PCNX4: variants seen among roughly 807,000 people sequenced by gnomAD.
PCNX4 encodes the protein pecanex-like protein 4.
In PCNX4, 103 loss-of-function variants were observed where a neutral mutation model predicts 107.2. The observed-to-expected ratio is 0.96, with a 90% CI of 0.82 to 1.13. PCNX4 has a LOEUF of 1.13. Among genes scored for constraint, PCNX4 ranks in the 50% most tolerant of loss-of-function variants. The pLI, the probability that PCNX4 is intolerant of heterozygous loss-of-function variation, is 0.00. For missense variants in PCNX4, 1,528 were observed against 1,379.4 expected, an observed-to-expected ratio of 1.11 and a Z score of -1.71; for synonymous variants, 541 against 481.7, an observed-to-expected ratio of 1.12 and a Z score of -1.61.
chr14:60,117,283 A>G (rs1895867641), intron 6 of PCNX4, among the ~76,000 whole-genome samples: 1 of 152,122 alleles, frequency 6.6e-6, no homozygotes, highest in South Asian at 2.1e-4. Flanking sequence ...CAGGTATACC[A>G]TTTTTTATCT....
At chr14:60,132,819 G>T (rs530603836) in intron 10 of PCNX4, among the ~76,000 whole-genome samples, 1 of 152,286 alleles carries the variant, frequency 6.6e-6, no homozygotes, top group East Asian at 1.9e-4. Context: ...TAAAGAGGAT[G>T]TACAAGTTGC....
At chr14:60,114,374 T>G (rs921891689) in intron 2 of PCNX4, among the ~76,000 whole-genome samples, 1 of 152,230 alleles carries the variant, frequency 6.6e-6, no homozygotes, top group African/African-American at 2.4e-5. Flanking sequence ...AGTTGTTCAG[T>G]TTTACAAATT....
intron 6 of PCNX4, 151 bp from the exon 7 acceptor site, chr14:60,118,178 G>A: frequency 8.2e-7 from 1 of 1,225,558 alleles, no homozygotes; most frequent in Non-Finnish European, 1.1e-6. Context: ...TGAGGTTGGA[G>A]AAAATTAACA....
chr14:60,125,497 A>G (rs1896037645), intron 9 of PCNX4, 140 bp from the exon 10 acceptor site: 1 of 766,258 alleles, frequency 1.3e-6, no homozygotes, highest in East Asian at 3.1e-5. Context: ...CCTTAACTGC[A>G]TCATTTCTTC....
intron 1 of PCNX4, among the ~76,000 whole-genome samples, chr14:60,095,910 T>G (rs573796111): frequency 6.6e-6 from 1 of 152,230 alleles, no homozygotes; most frequent in South Asian, 2.1e-4. Flanking sequence ...GGAAGCTGGG[T>G]CAGGCTATAT....
At chr14:60,127,857 A>C (rs1387873904) in intron 10 of PCNX4, among the ~76,000 whole-genome samples, 1 of 152,246 alleles carries the variant, frequency 6.6e-6, no homozygotes, top group Non-Finnish European at 1.5e-5. Context: ...ATAGAACCAA[A>C]GGAAATCATG....
intron 2 of PCNX4, chr14:60,111,297 T>TA (rs1895736142): frequency 1.3e-5 from 2 of 152,164 alleles, no homozygotes; most frequent in African/African-American, 4.8e-5. Context: ...CTCTTCTAGT[T>TA]ACACTACATT....
rs1595182323 is a variant in PCNX4 at position 60,134,358 on chromosome 14, T to C, written c.*137T>C. On this transcript the variant is annotated 3_prime_UTR_variant, in exon 11 of 11. Transcript: ENST00000406854. ...CTGAGAACAGCTAAGCTCCGTAAAG[T>C]TGGTTCTCTTAGCCATCTTAATGGT... 2 of 1,112,328 alleles carry C rather than the reference T, an allele frequency of 1.8e-6. No homozygotes were observed. The highest frequency in any genetic ancestry group is 2.6e-6 in the Non-Finnish European group (2 of 782,742). 68.9% of individuals were successfully genotyped at this position (1,112,328 alleles called of 1,614,324 possible). A position where few individuals can be genotyped will look rare whatever the true frequency, so the allele number is the denominator to read the frequency against.
At chr14:60,106,251 G>C (rs1323202240) in intron 1 of PCNX4, among the ~76,000 whole-genome samples, 1 of 152,070 alleles carries the variant, frequency 6.6e-6, no homozygotes, top group Non-Finnish European at 1.5e-5. Flanking sequence ...TCAAGTCTCT[G>C]ATATAAAATG....
At position 60,147,894 on chromosome 14, in the gene PCNX4, T is replaced by G. The variant is rs951764282; in HGVS notation, c.*13673T>G. On this transcript the variant is annotated 3_prime_UTR_variant, in exon 11 of 11. Coordinates refer to ENST00000406854, the MANE Select transcript of PCNX4 (RefSeq NM_001330177.2). ...CTCTTTCCATCACTGGGCACAAAGC[T>G]ACTGCATCAGCTGTCCTCCATATTT... 2.0e-5 allele frequency: 3 copies of G among 152,262 alleles called. No homozygotes were observed. 9.4% of individuals were successfully genotyped at this position (152,262 alleles called of 1,614,324 possible). A position where few individuals can be genotyped will look rare whatever the true frequency, so the allele number is the denominator to read the frequency against.
chr14:60,123,116 T>A (rs945958205), intron 8 of PCNX4, among the ~76,000 whole-genome samples: 7 of 152,172 alleles, frequency 4.6e-5, no homozygotes, highest in Non-Finnish European at 7.4e-5. Flanking sequence ...CAAAAAATAT[T>A]GAGGACATTT....
chr14:60,142,180 A>G lies in PCNX4; in HGVS notation c.*7959A>G, dbSNP rs1222516266. ...ACTCTCTTGATTGTGGTTATGGTTC[A>G]CAAGTGTAGCCATATGGCAAAACTT... On this transcript the variant is annotated 3_prime_UTR_variant, in exon 11 of 11. Transcript: ENST00000406854. The surrounding 1 kb of genome is among the most constrained non-coding windows in gnomAD (Gnocchi z 4.7). 6.6e-6 allele frequency: 1 copy of G among 152,222 alleles called. No individual in the cohort carries two copies. Among genetic ancestry groups the G allele is most frequent in the Non-Finnish European group, 1.5e-5 (1 of 68,038 alleles). 9.4% of individuals were successfully genotyped at this position (152,222 alleles called of 1,614,324 possible).
intron 2 of PCNX4, among the ~76,000 whole-genome samples, chr14:60,113,079 G>A (rs1375888441): frequency 6.6e-6 from 1 of 152,158 alleles, no homozygotes; most frequent in Non-Finnish European, 1.5e-5. Context: ...CTACTGGGGG[G>A]CTGAGGCAGG....
intron 2 of PCNX4, chr14:60,108,664 A>G (rs897198010): frequency 5.6e-6 from 1 of 177,684 alleles, no homozygotes; most frequent in Non-Finnish European, 1.3e-5. Flanking sequence ...GGGGGGAAAG[A>G]AGAAATTAAA....
In PCNX4 at chr14:60,124,842, CAA is replaced by C. The variant is rs1896022115; in HGVS notation, c.2672_2673del (p.Gln891ArgfsTer28). The part of the protein sequence containing the change: ...LGYPAVDKGK[Q>X]EDMPYIPLME... ...ATACCCTGCTGTTGACAAAGGAAAA[CAA>C]GAGGACATGCCATATATTCCTCTCA... On this transcript the variant is annotated frameshift_variant, in exon 9 of 11. Transcript: ENST00000406854. LOFTEE classifies it high-confidence loss of function. The C allele has an allele frequency of 6.2e-6, 10 of 1,613,638 alleles. No individual in the cohort carries two copies. Among genetic ancestry groups the C allele is most frequent in the South Asian group, 1.1e-5 (1 of 91,088 alleles).
intron 10 of PCNX4, among the ~76,000 whole-genome samples, chr14:60,129,769 G>T (rs1192097435): frequency 6.6e-6 from 1 of 152,172 alleles, no homozygotes; most frequent in Non-Finnish European, 1.5e-5. Flanking sequence ...CACAATTAGT[G>T]TAAATCTGAG....
At chr14:60,122,839 G>A (rs1296948547) in intron 8 of PCNX4, among the ~76,000 whole-genome samples, 2 of 151,982 alleles carry the variant, frequency 1.3e-5, no homozygotes, top group African/African-American at 2.4e-5. Flanking sequence ...TGAATTTTTT[G>A]TACTAGCACA....
chr14:60,096,679 C>T (rs1566928477), intron 1 of PCNX4, among the ~76,000 whole-genome samples: 1 of 152,202 alleles, frequency 6.6e-6, no homozygotes, highest in Non-Finnish European at 1.5e-5. Flanking sequence ...CATTCAGTGT[C>T]TTGTAATATG....
chr14:60,134,020 G>GGGAAA lies in PCNX4; in HGVS notation c.3320_3324dup (p.Leu1109GlufsTer3). On this transcript the variant is annotated frameshift_variant, in exon 11 of 11. Coordinates refer to ENST00000406854, the MANE Select transcript of PCNX4 (RefSeq NM_001330177.2). LOFTEE classifies it high-confidence loss of function. ...GCCTTCAAGAATTATTGATCCAAGT[G>GGGAAA]GGAAAGTTAAATCCTGAAGCTGTTA... 4 of 1,613,534 alleles carry GGGAAA rather than the reference G, an allele frequency of 2.5e-6. No homozygotes were observed. Among genetic ancestry groups the GGGAAA allele is most frequent in the East Asian group, 4.5e-5 (2 of 44,858 alleles).
Sources: gnomAD v4.1 joint callset for allele counts (sites outside exome capture counted in the v4.1 genomes callset) on GRCh38, gnomAD v4.1.1 for gene constraint, Gnocchi (gnomAD v3.1) non-coding constraint, MANE v1.5 for transcripts, NCBI Gene and HGNC (gene_info 2026-07-23, HGNC 2026-07-21) for gene names.